The following MAP4K3 variants were observed in gnomAD, a reference collection of about 807,000 sequenced individuals.
MAP4K3 encodes the protein mitogen-activated protein kinase kinase kinase kinase 3.
In MAP4K3, 94 loss-of-function variants were observed where a neutral mutation model predicts 143.5. The observed-to-expected ratio is 0.65, with a 90% CI of 0.55 to 0.78. The LOEUF (loss-of-function observed/expected upper bound fraction) is 0.78, where lower values mean the gene tolerates loss of function less well. MAP4K3 is among the 30% of genes least tolerant of loss of function. MAP4K3 has a pLI of 0.00. For synonymous variants in MAP4K3, 416 were observed against 347.2 expected, an observed-to-expected ratio of 1.20 and a Z score of -2.20; for missense variants, 1,077 against 1,068.1, an observed-to-expected ratio of 1.01 and a Z score of -0.12.
chr2:39,376,267 G>T (rs1379138121), intron 2 of MAP4K3, among the ~76,000 whole-genome samples: 1 of 152,134 alleles, frequency 6.6e-6, no homozygotes, highest in African/African-American at 2.4e-5. Context: ...TTATGATTGA[G>T]GGATCAAAAT....
intron 1 of MAP4K3, among the ~76,000 whole-genome samples, chr2:39,404,004 G>A (rs899376812): frequency 2.6e-5 from 4 of 151,842 alleles, no homozygotes; most frequent in Non-Finnish European, 4.4e-5. Context: ...GCCTTGAAGG[G>A]AAGAACCCAG....
intron 4 of MAP4K3, among the ~76,000 whole-genome samples, chr2:39,338,540 T>G (rs571780270): frequency 3.3e-5 from 5 of 152,314 alleles, no homozygotes; most frequent in Admixed American, 2.6e-4. Flanking sequence ...CTCAGAAACT[T>G]TACATAAGTG....
chr2:39,352,971 A>G (rs984453579), intron 3 of MAP4K3, among the ~76,000 whole-genome samples: 1 of 152,212 alleles, frequency 6.6e-6, no homozygotes, highest in Non-Finnish European at 1.5e-5. Flanking sequence ...ATCAAGTTCA[A>G]ACAAGATCCT....
intron 15 of MAP4K3, among the ~76,000 whole-genome samples, chr2:39,306,103 C>T (rs1173810027): frequency 6.6e-6 from 1 of 152,220 alleles, no homozygotes; most frequent in African/African-American, 2.4e-5. Context: ...GCTGGGATTA[C>T]AGGCATGAGC....
At chr2:39,422,974 AAG>A (rs1300141778) in intron 1 of MAP4K3, among the ~76,000 whole-genome samples, 1 of 152,216 alleles carries the variant, frequency 6.6e-6, no homozygotes, top group Non-Finnish European at 1.5e-5. Context: ...AGACATTGTT[AAG>A]AGAATGAAAA....
In MAP4K3 at chr2:39,272,297, G is replaced by A; in HGVS notation, c.1959C>T (p.Asp653=). ...TGTACCCTTACCTTGGCAGTATTCT[G>A]TCAGGGAGTTTGTGTGCTGGAATAG... ...PVAIPAHKLP[D]RILPRKFSVS... The change falls in exon 26 of 34, where the codon GAC becomes GAT. Residue 653 remains aspartate, a synonymous_variant. Coordinates refer to ENST00000263881, the MANE Select transcript of MAP4K3 (RefSeq NM_003618.4). 1 of 1,611,502 alleles carries A rather than the reference G, an allele frequency of 6.2e-7. No homozygotes were observed.
intron 8 of MAP4K3, among the ~76,000 whole-genome samples, chr2:39,331,081 T>A (rs1220143146): frequency 2.6e-5 from 4 of 152,178 alleles, no homozygotes; most frequent in African/African-American, 4.8e-5. Context: ...GAAAATGGTA[T>A]ATACATCATA....
intron 1 of MAP4K3, among the ~76,000 whole-genome samples, chr2:39,384,332 G>C (rs1666435560): frequency 6.6e-6 from 1 of 152,088 alleles, no homozygotes; most frequent in Non-Finnish European, 1.5e-5. Context: ...GATCACCTGA[G>C]GTCAGGAGTT....
At chr2:39,340,615 C>T (rs958703354) in intron 4 of MAP4K3, among the ~76,000 whole-genome samples, 7 of 152,142 alleles carry the variant, frequency 4.6e-5, no homozygotes, top group African/African-American at 1.7e-4. Context: ...AAAGCAGAAT[C>T]AGACACCTAA....
chr2:39,377,534 G>A (rs1244677823), intron 2 of MAP4K3, among the ~76,000 whole-genome samples: 1 of 152,098 alleles, frequency 6.6e-6, no homozygotes, highest in African/African-American at 2.4e-5. Context: ...AAAATAAGGA[G>A]TAGCCTTAAG....
At position 39,422,857 on chromosome 2, in the gene MAP4K3, C is replaced by T. The variant is rs969222392; in HGVS notation, c.96+14035G>A. On this transcript the variant is annotated intron_variant, in intron 1 of 33. Coordinates refer to ENST00000263881, the MANE Select transcript of MAP4K3 (RefSeq NM_003618.4). The stretch of plus-strand genomic sequence containing the variant: ...ATAACATACAAGAAAATCTAAGTGA[C>T]CATGGTCTAGCATTGAGTTTTTAGA... Among the ~76,000 whole-genome samples the T allele has an allele frequency of 1.2e-4, 18 of 152,060 alleles. 1 individual carries two copies. The highest frequency in any genetic ancestry group is 1.6e-4 in the Non-Finnish European group (11 of 68,010).
chr2:39,263,694 T>A (rs573768973), intron 28 of MAP4K3, among the ~76,000 whole-genome samples: 1 of 152,116 alleles, frequency 6.6e-6, no homozygotes, highest in Admixed American at 6.5e-5. Flanking sequence ...GTGATTAAAA[T>A]CTTGAGGGAG....
chr2:39,289,138 TACAA>T (rs1681922807), intron 19 of MAP4K3, among the ~76,000 whole-genome samples: 1 of 152,186 alleles, frequency 6.6e-6, no homozygotes, highest in African/African-American at 2.4e-5. Context: ...ACACTTTCTG[TACAA>T]ACAATGGAAA....
At chr2:39,268,465 T>C (rs1377094589) in intron 26 of MAP4K3, among the ~76,000 whole-genome samples, 2 of 147,800 alleles carry the variant, frequency 1.4e-5, no homozygotes, top group African/African-American at 5.0e-5. Flanking sequence ...GGACTACAGG[T>C]GCCTGCCATC....
chr2:39,374,686 TA>T (rs1047121259), intron 2 of MAP4K3, among the ~76,000 whole-genome samples: 21 of 150,736 alleles, frequency 1.4e-4, no homozygotes, highest in Non-Finnish European at 2.2e-4. Flanking sequence ...CATCACAAAT[TA>T]AAAAAAAATT....
At chr2:39,393,836 T>C (rs191666190) in intron 1 of MAP4K3, among the ~76,000 whole-genome samples, 10 of 152,254 alleles carry the variant, frequency 6.6e-5, no homozygotes, top group Non-Finnish European at 1.2e-4. Flanking sequence ...GCCATATATA[T>C]ATGGGTTTCA....
intron 2 of MAP4K3, among the ~76,000 whole-genome samples, chr2:39,376,080 G>A (rs1399759033): frequency 6.6e-6 from 1 of 152,196 alleles, no homozygotes; most frequent in Non-Finnish European, 1.5e-5. Flanking sequence ...GAGTAGAATT[G>A]CTGGGTCATT....
rs777632893 is a variant in MAP4K3, at chr2:39,356,243, G to T, written c.245+6C>A. 3.0e-5 allele frequency: 46 copies of T among 1,542,076 alleles called. No individual in the cohort carries two copies. The highest frequency in any genetic ancestry group is 3.8e-5 in the Non-Finnish European group (43 of 1,126,696). ...TTGCTTTTCAAAAGGGAAACAAACA[G>T]TATACCTGAGATAGCTTCCAAAATA... On this transcript the variant is annotated splice_donor_region_variant and intron_variant, in intron 3 of 33. Transcript: ENST00000263881.
intron 28 of MAP4K3, among the ~76,000 whole-genome samples, chr2:39,262,497 A>G (rs1288679095): frequency 6.6e-6 from 1 of 152,226 alleles, no homozygotes; most frequent in Non-Finnish European, 1.5e-5. Flanking sequence ...GCAGAAAAAA[A>G]ACCAATGCTT....
Sources: allele counts gnomAD v4.1 joint callset (sites outside exome capture counted in the v4.1 genomes callset), GRCh38; gene constraint gnomAD v4.1.1; transcripts MANE v1.5; gene names NCBI Gene and HGNC (gene_info 2026-07-23, HGNC 2026-07-21).